The following KRTCAP3 variants were observed in gnomAD, a reference collection of about 807,000 sequenced individuals.
KRTCAP3 encodes the protein keratinocyte associated protein 3.
In KRTCAP3, 18 loss-of-function variants were observed where a neutral mutation model predicts 20.5. The ratio of observed to expected loss-of-function variants is 0.88; its 90% CI spans 0.61 to 1.31. The LOEUF (loss-of-function observed/expected upper bound fraction) is 1.31, where lower values mean the gene tolerates loss of function less well. Among genes scored for constraint, KRTCAP3 ranks in the 50% most tolerant of loss-of-function variants. KRTCAP3 has a pLI of 0.00. For synonymous variants in KRTCAP3, 167 were observed against 133.7 expected, an observed-to-expected ratio of 1.25 and a Z score of -1.72; for missense variants, 347 against 310.4, an observed-to-expected ratio of 1.12 and a Z score of -0.89.
At chr2:27,442,971 G>T in intron 3 of KRTCAP3, 70 bp downstream of exon 3, 8 of 1,590,710 alleles carry the variant, frequency 5.0e-6, no homozygotes, top group Non-Finnish European at 6.9e-6. Context: ...GACTGAGCTT[G>T]GTCTTTCAAT....
chr2:27,446,213 C>T (rs558185038), downstream of KRTCAP3: 19 of 1,579,782 alleles, frequency 1.2e-5, no homozygotes, highest in East Asian at 2.7e-4. Flanking sequence ...TATTTTCCAA[C>T]CTTTAACTTC....
At chr2:27,446,401 G>C (rs776771308), downstream of KRTCAP3, 3 of 1,533,504 alleles carry the variant, frequency 2.0e-6, no homozygotes, top group African/African-American at 1.4e-5. Flanking sequence ...TAAAGTGACT[G>C]AGCTACCAGA....
At chr2:27,446,131 ATAG>A (rs1204581589), downstream of KRTCAP3, 2 of 1,323,088 alleles carry the variant, frequency 1.5e-6, no homozygotes, top group African/African-American at 2.9e-5. Context: ...CCAGGAAGAC[ATAG>A]GAGGACTACA....
At position 27,444,063 on chromosome 2, in the gene KRTCAP3, T is replaced by C; in HGVS notation, c.*5+2T>C. 1 of 1,559,630 alleles carries C rather than the reference T, an allele frequency of 6.4e-7. No homozygotes were observed. The highest frequency in any genetic ancestry group is 1.4e-5 in the African/African-American group (1 of 73,868). Reference sequence around the variant, plus strand: ...ACAGAGAAGTTGGGTTTAGGACAGGTAATGGGCCTTGAAGGTGGTGGCCCG... The same window carrying C: ...ACAGAGAAGTTGGGTTTAGGACAGGCAATGGGCCTTGAAGGTGGTGGCCCG... On this transcript the variant is annotated splice_donor_variant, in intron 6 of 6. Transcript: ENST00000288873. LOFTEE classifies it low-confidence loss of function (3UTR_SPLICE).
At chr2:27,445,017 G>C, downstream of KRTCAP3, 5 of 1,613,628 alleles carry the variant, frequency 3.1e-6, no homozygotes, top group Non-Finnish European at 4.2e-6. This position sits in a 1 kb window ranked among gnomAD's most constrained non-coding sequence, Gnocchi z 4.4. Flanking sequence ...CTCTAACCTT[G>C]ATGGCCATAA....
downstream of KRTCAP3, chr2:27,446,196 G>A (rs1006823501): frequency 1.7e-5 from 25 of 1,500,654 alleles, no homozygotes; most frequent in African/African-American, 2.8e-5. Flanking sequence ...GAGCAGAAGG[G>A]ATATTCTATT....
chr2:27,442,502 T>C, intron 1 of KRTCAP3, 62 bp downstream of exon 1: 1 of 1,539,552 alleles, frequency 6.5e-7, no homozygotes, highest in South Asian at 1.2e-5. Context: ...CCCGTCCTAC[T>C]GCCCGCGGTT....
downstream of KRTCAP3, chr2:27,446,217 T>C (rs1665082399): frequency 6.3e-7 from 1 of 1,587,584 alleles, no homozygotes; most frequent in African/African-American, 1.3e-5. Context: ...TTCCAACCTT[T>C]AACTTCCTCC....
intron 1 of KRTCAP3, 54 bp downstream of exon 1, chr2:27,442,494 C>T (rs780112): frequency 3.2e-5 from 49 of 1,548,336 alleles, no homozygotes; most frequent in Non-Finnish European, 4.0e-5. Context: ...ACCCTTGCCC[C>T]GTCCTACTGC....
chr2:27,442,463 T>G, intron 1 of KRTCAP3, 23 bp downstream of exon 1: 3 of 1,565,062 alleles, frequency 1.9e-6, no homozygotes, highest in Non-Finnish European at 2.6e-6. Flanking sequence ...CCCTGGCGTC[T>G]CGTCTCCTTA....
At chr2:27,444,095 A>G in intron 6 of KRTCAP3, 34 bp downstream of exon 6, 1 of 1,232,706 alleles carries the variant, frequency 8.1e-7, no homozygotes, top group Admixed American at 1.7e-5. Flanking sequence ...CCCGGGTAAG[A>G]GCGGGGACAA....
At chr2:27,445,567 G>C (rs1024772797), downstream of KRTCAP3, 2 of 1,332,778 alleles carry the variant, frequency 1.5e-6, no homozygotes, top group Non-Finnish European at 2.0e-6. This position sits in a 1 kb window ranked among gnomAD's most constrained non-coding sequence, Gnocchi z 4.4. Flanking sequence ...TTTTAGCCAC[G>C]AATCCTCCTT....
Position 27,443,386 on chromosome 2 carries a change from C to G in KRTCAP3, c.481-12C>G. Reference sequence around the variant, plus strand: ...CTACTCCCTCCTACTCCCCATCCTTCTTGCTTTTCAGGATACAGCCTTGGC... The same window carrying G: ...CTACTCCCTCCTACTCCCCATCCTTGTTGCTTTTCAGGATACAGCCTTGGC... On this transcript the variant is annotated splice_polypyrimidine_tract_variant and intron_variant, in intron 4 of 6. Transcript: ENST00000288873. 1 of 1,614,184 alleles carries G rather than the reference C, an allele frequency of 6.2e-7. No individual in the cohort carries two copies. Among genetic ancestry groups the G allele is most frequent in the East Asian group, 2.2e-5 (1 of 44,882 alleles).
At chr2:27,445,022 C>A, downstream of KRTCAP3, 1 of 1,614,016 alleles carries the variant, frequency 6.2e-7, no homozygotes, top group Non-Finnish European at 8.5e-7. The surrounding 1 kb of genome is among the most constrained non-coding windows in gnomAD (Gnocchi z 4.4). Flanking sequence ...ACCTTGATGG[C>A]CATAAGGAAT....
downstream of KRTCAP3, chr2:27,445,148 T>C (rs1311921070): frequency 1.2e-6 from 2 of 1,610,170 alleles, no homozygotes; most frequent in African/African-American, 1.3e-5. This position sits in a 1 kb window ranked among gnomAD's most constrained non-coding sequence, Gnocchi z 4.4. Context: ...TTGAGAGAGA[T>C]TGAGGAGGGA....
downstream of KRTCAP3, chr2:27,444,951 GTTTT>G (rs111756175): frequency 8.6e-6 from 13 of 1,513,254 alleles, no homozygotes; most frequent in African/African-American, 1.4e-5. Flanking sequence ...ACCCAGACTT[GTTTT>G]TTTTTCTTTT....
At chr2:27,446,196 G>C (rs1006823501), downstream of KRTCAP3, 110 of 1,500,654 alleles carry the variant, frequency 7.3e-5, no homozygotes, top group Admixed American at 1.0e-3. Flanking sequence ...GAGCAGAAGG[G>C]ATATTCTATT....
In KRTCAP3 at chr2:27,442,586, CCG is replaced by C; in HGVS notation, c.37_38del (p.Arg13GlyfsTer118). On this transcript the variant is annotated frameshift_variant, in exon 2 of 7. Transcript: ENST00000288873. LOFTEE classifies it high-confidence loss of function. ...RCSLCAFDAARGPRRLMRVGL... is the reference protein window; with the variant it reads ...RCSLCAFDAAXGPRRLMRVGL... The stretch of plus-strand genomic sequence containing the variant: ...CTCCCCCGTGCTTTGCAGACGCCGC[CCG>C]GGGGCCCAGGCGGCTGATGCGTGTG... 6.5e-7 allele frequency: 1 copy of C among 1,532,514 alleles called. No homozygotes were observed. The highest frequency in any genetic ancestry group is 8.8e-7 in the Non-Finnish European group (1 of 1,142,044). 94.9% of individuals were successfully genotyped at this position (1,532,514 alleles called of 1,614,324 possible).
downstream of KRTCAP3, chr2:27,444,642 G>T: frequency 1.4e-6 from 1 of 714,160 alleles, no homozygotes; most frequent in Non-Finnish European, 2.2e-6. Flanking sequence ...TTTCTAGTGT[G>T]TATGTGGGTT....
Sources: gnomAD v4.1 joint callset for allele counts on GRCh38, gnomAD v4.1.1 for gene constraint, Gnocchi (gnomAD v3.1) non-coding constraint, MANE v1.5 for transcripts, NCBI Gene and HGNC (gene_info 2026-07-23, HGNC 2026-07-21) for gene names.